The following ORC1 variants were observed in gnomAD, a reference collection of about 807,000 sequenced individuals.
ORC1 encodes the protein origin recognition complex, subunit 1 homolog.
In ORC1, 61 loss-of-function variants were observed where a neutral mutation model predicts 98.9. The ratio of observed to expected loss-of-function variants is 0.62; its 90% CI spans 0.50 to 0.76. The LOEUF is 0.76. Ranked by LOEUF, ORC1 falls within the 30% of genes least tolerant of loss-of-function variation. ORC1 has a pLI of 0.00. For synonymous variants in ORC1, 385 were observed against 406.9 expected, an observed-to-expected ratio of 0.95 and a Z score of 0.65; for missense variants, 979 against 1,072.2, an observed-to-expected ratio of 0.91 and a Z score of 1.21.
At chr1:52,380,197 C>T (rs946819308) in intron 14 of ORC1, among the ~76,000 whole-genome samples, 5 of 152,300 alleles carry the variant, frequency 3.3e-5, no homozygotes, top group Middle Eastern at 6.8e-3. Flanking sequence ...GACAGTGATA[C>T]TGGCCCACTC....
At chr1:52,403,324 A>G (rs1647820370) in intron 1 of ORC1, among the ~76,000 whole-genome samples, 1 of 152,242 alleles carries the variant, frequency 6.6e-6, no homozygotes, top group South Asian at 2.1e-4. Context: ...TTTATTTGTA[A>G]GGTACAGTGG....
At chr1:52,407,906 T>A (rs1047913412), upstream of ORC1, among the ~76,000 whole-genome samples, 14 of 152,198 alleles carry the variant, frequency 9.2e-5, 1 homozygote, top group African/African-American at 3.1e-4. Flanking sequence ...AATACAAAAA[T>A]TAGGCTGGGT....
chr1:52,391,990 T>C lies in ORC1; in HGVS notation c.1082+1453A>G, dbSNP rs192297078. On this transcript the variant is annotated intron_variant, in intron 6 of 16. Transcript: ENST00000371568. Reference sequence around the variant, plus strand: ...GATACAGAAACAGCCAGCAAACATATGAAAAAATATTCAACAGCACTAATT... The same window carrying C: ...GATACAGAAACAGCCAGCAAACATACGAAAAAATATTCAACAGCACTAATT... Among the ~76,000 whole-genome samples the C allele has an allele frequency of 2.3e-3, 351 of 150,710 alleles. 1 individual carries two copies. The highest frequency in any genetic ancestry group is 0.014 in the Middle Eastern group (4 of 290).
chr1:52,408,821 G>C (rs1023481376), upstream of ORC1: 1 of 1,178,904 alleles, frequency 8.5e-7, no homozygotes, highest in African/African-American at 1.5e-5. Flanking sequence ...TCTCTATGCA[G>C]GTTTTCCCTT....
chr1:52,373,313 C>G lies in ORC1; in HGVS notation c.2454G>C (p.Glu818Asp), dbSNP rs142559489. 1.2e-6 allele frequency: 2 copies of G among 1,614,176 alleles called. No individual in the cohort carries two copies. Among genetic ancestry groups the G allele is most frequent in the Admixed American group, 3.3e-5 (2 of 60,030 alleles). ...MEGLPYPTMS[E>D]TMAVCSHLGS... The stretch of plus-strand genomic sequence containing the variant: ...CCAGGTGAGAACACACGGCCATGGT[C>G]TCTGACATGGTGGGGTACGGCAGTC... The change falls in exon 17 of 17, where the codon GAG becomes GAC. Residue 818 changes from glutamate to aspartate, a missense_variant. Physicochemically the swap from Glu to Asp is conservative, Grantham distance 45. Coordinates refer to ENST00000371568, the MANE Select transcript of ORC1 (RefSeq NM_004153.4).
At chr1:52,374,993 G>A (rs1557566961) in intron 15 of ORC1, 96 bp from the exon 16 acceptor site, 2 of 761,082 alleles carry the variant, frequency 2.6e-6, no homozygotes, top group Non-Finnish European at 4.7e-6. Context: ...TTAGAAAAGA[G>A]AAAACCCGGG....
chr1:52,396,178 C>T lies in ORC1; in HGVS notation c.589G>A (p.Ala197Thr), dbSNP rs778334872. 4.3e-6 allele frequency: 7 copies of T among 1,614,160 alleles called. No homozygotes were observed. The highest frequency in any genetic ancestry group is 1.3e-5 in the African/African-American group (1 of 75,030). The change falls in exon 5 of 17, where the codon GCA (alanine) becomes ACA (threonine). Residue 197 changes from alanine to threonine, a missense_variant. Ala to Thr is a moderately conservative substitution (Grantham distance 58). Coordinates refer to ENST00000371568, the MANE Select transcript of ORC1 (RefSeq NM_004153.4). ...QKPVRAKSKS[A>T]ESPSWTPAEH... ...GCTGGGGTCCAAGAAGGGCTCTCTG[C>T]ACTCTTACTCTTGGCTCTCACGGGT...
Position 52,393,488 on chromosome 1 carries a change from G to A in ORC1, c.1037C>T (p.Ser346Leu). The change falls in exon 6 of 17, where the codon TCA becomes TTA. Residue 346 changes from serine to leucine, a missense_variant. Coordinates refer to ENST00000371568, the MANE Select transcript of ORC1 (RefSeq NM_004153.4). ...TTTCAGAATCACGGATGGCACCACT[G>A]AAGATCTCTGTCCCCCACTGATAGG... The part of the protein sequence containing the change: ...LTPISGGQRS[S>L]VVPSVILKPE... 6.2e-7 allele frequency: 1 copy of A among 1,614,186 alleles called. No homozygotes were observed. The highest frequency in any genetic ancestry group is 1.1e-5 in the South Asian group (1 of 91,076).
intron 14 of ORC1, among the ~76,000 whole-genome samples, chr1:52,378,945 A>C (rs1647028357): frequency 6.6e-6 from 1 of 151,652 alleles, no homozygotes; most frequent in Non-Finnish European, 1.5e-5. Flanking sequence ...AGGCAGGAGA[A>C]TGGCATGAAC....
At chr1:52,378,119 G>A (rs993710814) in intron 14 of ORC1, among the ~76,000 whole-genome samples, 1 of 152,092 alleles carries the variant, frequency 6.6e-6, no homozygotes, top group African/African-American at 2.4e-5. Context: ...GGCTGCAGCA[G>A]GCAGATCACG....
At chr1:52,405,592 A>G, upstream of ORC1, 2 of 1,220,248 alleles carry the variant, frequency 1.6e-6, no homozygotes, top group East Asian at 4.7e-5. Flanking sequence ...GTTGATGTAT[A>G]TTTAGGAGAA....
chr1:52,377,362 C>A (rs113779906), intron 14 of ORC1, among the ~76,000 whole-genome samples: 10,498 of 152,154 alleles, frequency 0.069, 1,190 homozygotes, highest in African/African-American at 0.24. Flanking sequence ...GCAGCCTCCA[C>A]CTCCTCGGCT....
At chr1:52,397,518 C>T (rs1647460472) in intron 4 of ORC1, among the ~76,000 whole-genome samples, 167 bp downstream of exon 4, 1 of 152,154 alleles carries the variant, frequency 6.6e-6, no homozygotes, top group Non-Finnish European at 1.5e-5. Context: ...TACGTGCTCT[C>T]AATAAATATC....
upstream of ORC1, chr1:52,405,586 A>C (rs1647960151): frequency 1.9e-6 from 2 of 1,076,442 alleles, no homozygotes; most frequent in Admixed American, 4.0e-5. Context: ...TACACTGTTG[A>C]TGTATATTTA....
intron 5 of ORC1, among the ~76,000 whole-genome samples, chr1:52,395,174 G>C (rs923028580): frequency 6.6e-6 from 1 of 152,148 alleles, no homozygotes; most frequent in African/African-American, 2.4e-5. Context: ...GCTGTGGGGT[G>C]AGTTTCAGAT....
At chr1:52,374,992 A>C in intron 15 of ORC1, 95 bp from the exon 16 acceptor site, 1 of 779,262 alleles carries the variant, frequency 1.3e-6, no homozygotes, top group Non-Finnish European at 2.3e-6. Context: ...TTTAGAAAAG[A>C]GAAAACCCGG....
chr1:52,404,198 A>T (rs1647875857), intron 1 of ORC1, 48 bp downstream of exon 1: 1 of 158,304 alleles, frequency 6.3e-6, no homozygotes, highest in Admixed American at 6.1e-5. Context: ...AGAGGTTCCG[A>T]TGCGCCCTCC....
At position 52,374,915 on chromosome 1, in the gene ORC1, G is replaced by T. The variant is rs1021416153; in HGVS notation, c.2304-18C>A. ...AGGAATTTCTTAAAGGAAACGAGGG[G>T]ATGTGAGTTTTTGTCAGTGGCTGTA... On this transcript the variant is annotated intron_variant, in intron 15 of 16. Transcript: ENST00000371568. The T allele has an allele frequency of 7.0e-6, 11 of 1,566,484 alleles. No individual in the cohort carries two copies. The African/African-American group carries it at 1.5e-4, about 21-fold the overall frequency.
At chr1:52,382,883 A>G (rs1647091094) in intron 13 of ORC1, among the ~76,000 whole-genome samples, 1 of 151,544 alleles carries the variant, frequency 6.6e-6, no homozygotes, top group Non-Finnish European at 1.5e-5. Context: ...CCCAGCCTAA[A>G]ACATTTTTTT....
Sources: gnomAD v4.1 joint callset for allele counts (sites outside exome capture counted in the v4.1 genomes callset) on GRCh38, gnomAD v4.1.1 for gene constraint, MANE v1.5 for transcripts, NCBI Gene and HGNC (gene_info 2026-07-23, HGNC 2026-07-21) for gene names.